The following FAT4 variants were observed in gnomAD, a reference collection of about 807,000 sequenced individuals.
FAT4 encodes the protein protocadherin Fat 4.
Under a neutral mutation model 303.9 loss-of-function variants are expected in FAT4, and 84 were observed. The ratio of observed to expected loss-of-function variants is 0.28; its 90% CI spans 0.23 to 0.33. The LOEUF (loss-of-function observed/expected upper bound fraction) is 0.33, where lower values mean the gene tolerates loss of function less well. FAT4 is among the 10% of genes least tolerant of loss of function. The pLI, the probability that FAT4 is intolerant of heterozygous loss-of-function variation, is 1.00. For missense variants in FAT4, 6,005 were observed against 6,146.8 expected, an observed-to-expected ratio of 0.98 and a Z score of 0.77; for synonymous variants, 2,307 against 2,298.8, an observed-to-expected ratio of 1.00 and a Z score of -0.10.
In FAT4 at chr4:125,449,269, G is replaced by C. The variant is rs572471083; in HGVS notation, c.8259G>C (p.Pro2753=). 7 of 1,613,854 alleles carry C rather than the reference G, an allele frequency of 4.3e-6. No individual in the cohort carries two copies. In the Admixed American group the frequency reaches 1.2e-4, roughly 27 times the overall value. Residue 2753 remains proline, a synonymous_variant, in exon 10 of 18, where the codon CCG becomes CCC. Coordinates refer to ENST00000394329, the MANE Select transcript of FAT4 (RefSeq NM_001291303.3). The part of the protein sequence containing the change: ...LTIKSSDKGS[P]SQSTSVKVMI... ...TAAAATCATCAGACAAAGGGTCCCC[G>C]TCTCAGAGTACTTCAGTAAAAGTCA...
chr4:125,318,692 T>C lies in FAT4; in HGVS notation c.2281T>C (p.Leu761=), dbSNP rs1179694248. 1 of 1,614,152 alleles carries C rather than the reference T, an allele frequency of 6.2e-7. No individual in the cohort carries two copies. The highest frequency in any genetic ancestry group is 1.3e-5 in the African/African-American group (1 of 75,054). ...LDREEKTAYQ[L]QIVATDGGNL... ...CAGAGAAGAAAAAACAGCTTATCAG[T>C]TGCAAATAGTAGCTACTGATGGTGG... Residue 761 remains leucine (L), a synonymous_variant, in exon 2 of 18, where the codon TTG becomes CTG. Coordinates refer to ENST00000394329, the MANE Select transcript of FAT4 (RefSeq NM_001291303.3).
At chr4:125,422,323 C>T (rs1332309102) in intron 7 of FAT4, among the ~76,000 whole-genome samples, 2 of 152,148 alleles carry the variant, frequency 1.3e-5, no homozygotes, top group Non-Finnish European at 2.9e-5. Flanking sequence ...GTTCTGATTA[C>T]AGTTAGTGAT....
chr4:125,454,273 G>A (rs1726202133), intron 10 of FAT4, among the ~76,000 whole-genome samples: 1 of 152,186 alleles, frequency 6.6e-6, no homozygotes, highest in Non-Finnish European at 1.5e-5. Flanking sequence ...TGAATCACTT[G>A]AGGAAAATAT....
At chr4:125,368,470 A>G (rs1440791725) in intron 2 of FAT4, among the ~76,000 whole-genome samples, 1 of 148,228 alleles carries the variant, frequency 6.7e-6, no homozygotes, top group Admixed American at 6.8e-5. Context: ...GAAGTCTGTG[A>G]TATTTCTCTA....
chr4:125,391,357 T>C lies in FAT4; in HGVS notation c.5176-7427T>C, dbSNP rs147359472. The stretch of plus-strand genomic sequence containing the variant: ...GCAGCCATAAAAAGGAATGAGATCA[T>C]GTCCTTTTCAGGGAAATGGATGAAG... On this transcript the variant is annotated intron_variant, in intron 2 of 17. Transcript: ENST00000394329. Among the ~76,000 whole-genome samples, 34 of 152,284 alleles carry C rather than the reference T, an allele frequency of 2.2e-4. 1 individual carries two copies. The East Asian group carries it at 6.4e-3, about 29-fold the overall frequency.
chr4:125,342,185 A>G (rs938574539), intron 2 of FAT4, among the ~76,000 whole-genome samples: 3 of 152,046 alleles, frequency 2.0e-5, no homozygotes, highest in Non-Finnish European at 2.9e-5. Flanking sequence ...TATCAAACAT[A>G]TTAAAGAGTA....
In FAT4 at chr4:125,479,592, T is replaced by A. The variant is rs1458924417; in HGVS notation, c.12480-149T>A. 10 of 718,648 alleles carry A rather than the reference T, an allele frequency of 1.4e-5. No homozygotes were observed. In the Admixed American group the frequency reaches 3.5e-4, roughly 25 times the overall value. 44.5% of individuals were successfully genotyped at this position (718,648 alleles called of 1,614,324 possible). A position where few individuals can be genotyped will look rare whatever the true frequency, so the allele number is the denominator to read the frequency against. ...ATGTTTTCTAGGAAAACTTCTGGTTTGATTAGTTTCTCCAAATGTAGTTGT... is the reference window on the plus strand; with the variant it reads ...ATGTTTTCTAGGAAAACTTCTGGTTAGATTAGTTTCTCCAAATGTAGTTGT... On this transcript the variant is annotated intron_variant, in intron 14 of 17. Coordinates refer to ENST00000394329, the MANE Select transcript of FAT4 (RefSeq NM_001291303.3).
intron 7 of FAT4, among the ~76,000 whole-genome samples, chr4:125,420,581 C>T (rs1735250050): frequency 6.6e-6 from 1 of 152,118 alleles, no homozygotes; most frequent in Non-Finnish European, 1.5e-5. Context: ...GAAGTTTTTG[C>T]TACATTGGCT....
chr4:125,326,676 C>G (rs958355758), intron 2 of FAT4, among the ~76,000 whole-genome samples: 1 of 152,024 alleles, frequency 6.6e-6, no homozygotes, highest in African/African-American at 2.4e-5. Flanking sequence ...AGCTCTTTGC[C>G]CTATAGCTAT....
At chr4:125,414,861 T>G in intron 5 of FAT4, 23 bp from the exon 6 acceptor site, 1 of 1,538,688 alleles carries the variant, frequency 6.5e-7, no homozygotes, top group Non-Finnish European at 8.8e-7. Context: ...TTTAAGAAAA[T>G]TTTTTCTTCC....
intron 2 of FAT4, among the ~76,000 whole-genome samples, chr4:125,356,443 T>C (rs1732425926): frequency 6.6e-6 from 1 of 151,956 alleles, no homozygotes. Context: ...AAGTTTTATT[T>C]ATTTGACTAG....
chr4:125,418,108 TG>T (rs1236925239), intron 7 of FAT4, among the ~76,000 whole-genome samples: 2 of 152,170 alleles, frequency 1.3e-5, no homozygotes, highest in Admixed American at 1.3e-4. Context: ...AAGTCAAACT[TG>T]TAGATGACAT....
chr4:125,410,063 C>T (rs1734785384), intron 5 of FAT4, among the ~76,000 whole-genome samples: 1 of 152,014 alleles, frequency 6.6e-6, no homozygotes, highest in African/African-American at 2.4e-5. Context: ...ATAAATGGCA[C>T]TTGGAACGAT....
intron 2 of FAT4, among the ~76,000 whole-genome samples, chr4:125,388,028 A>G (rs1233199276): frequency 6.6e-6 from 1 of 152,106 alleles, no homozygotes; most frequent in African/African-American, 2.4e-5. Context: ...CAGTCTAAAA[A>G]CCTTCCAGCT....
At chr4:125,351,623 C>T (rs1241455319) in intron 2 of FAT4, among the ~76,000 whole-genome samples, 2 of 151,692 alleles carry the variant, frequency 1.3e-5, no homozygotes, top group Non-Finnish European at 3.0e-5. Flanking sequence ...TTAGCTGTTT[C>T]ATGATAGCTT....
intron 2 of FAT4, among the ~76,000 whole-genome samples, chr4:125,384,326 A>G (rs1733656867): frequency 6.6e-6 from 1 of 152,158 alleles, no homozygotes; most frequent in South Asian, 2.1e-4. Flanking sequence ...GTACTCACCA[A>G]CACTTGTTAT....
chr4:125,318,987 A>T lies in FAT4; in HGVS notation c.2576A>T (p.Gln859Leu). The change falls in exon 2 of 18, where the codon CAA becomes CTA. Residue 859 changes from glutamine to leucine, a missense_variant. Gln to Leu is a moderately radical substitution (Grantham distance 113). Transcript: ENST00000394329. Reference protein sequence around the residue: ...TTANVIDREEQSFYQLKVVAS... With the variant: ...TTANVIDREELSFYQLKVVAS... Reference sequence around the variant, plus strand: ...GCAAATGTGATTGATAGAGAAGAGCAATCCTTTTATCAGCTGAAGGTAGTG... The same window carrying T: ...GCAAATGTGATTGATAGAGAAGAGCTATCCTTTTATCAGCTGAAGGTAGTG... 1 of 1,614,204 alleles carries T rather than the reference A, an allele frequency of 6.2e-7. No homozygotes were observed. Among genetic ancestry groups the T allele is most frequent in the Non-Finnish European group, 8.5e-7 (1 of 1,180,050 alleles).
chr4:125,456,112 G>T (rs370030363), intron 10 of FAT4, among the ~76,000 whole-genome samples: 1 of 152,058 alleles, frequency 6.6e-6, no homozygotes. Context: ...CTTGAACCCC[G>T]CTGGAAGGGA....
intron 5 of FAT4, among the ~76,000 whole-genome samples, chr4:125,409,739 T>C (rs985258986): frequency 1.3e-5 from 2 of 152,218 alleles, no homozygotes; most frequent in African/African-American, 4.8e-5. Flanking sequence ...GCCTTTCTTC[T>C]AACACCTGTT....
Sources: gnomAD v4.1 joint callset for allele counts (sites outside exome capture counted in the v4.1 genomes callset) on GRCh38, gnomAD v4.1.1 for gene constraint, MANE v1.5 for transcripts, NCBI Gene and HGNC (gene_info 2026-07-23, HGNC 2026-07-21) for gene names.